Variants in WFDC8 observed in about 807,000 individuals in gnomAD.
The protein encoded by WFDC8 is WAP four-disulfide core domain 8.
Under a neutral mutation model 27.0 loss-of-function variants are expected in WFDC8, and 24 were observed. The ratio of observed to expected loss-of-function variants is 0.89; its 90% CI spans 0.64 to 1.25. WFDC8 has a LOEUF of 1.25. Ranked by LOEUF, WFDC8 falls within the 50% of genes most tolerant of loss-of-function variation. WFDC8 has a pLI of 0.00. For missense variants in WFDC8, 287 were observed against 295.9 expected (o/e 0.97, Z 0.22); for synonymous variants, 106 against 99.7 (o/e 1.06, Z -0.38).
At chr20:45,564,566 C>T (rs536416711) in intron 1 of WFDC8, among the ~76,000 whole-genome samples, 4 of 151,508 alleles carry the variant, frequency 2.6e-5, no homozygotes, top group South Asian at 4.2e-4. Context: ...CCCAGCTATT[C>T]GGGAGGCTGA....
At chr20:45,572,852 C>T (rs868395358) in intron 1 of WFDC8, among the ~76,000 whole-genome samples, 4 of 152,244 alleles carry the variant, frequency 2.6e-5, no homozygotes, top group Non-Finnish European at 5.9e-5. Context: ...AGTGATCTTC[C>T]TGCCTTGGCC....
chr20:45,551,969 T>A lies in WFDC8; in HGVS notation c.*57A>T. The stretch of plus-strand genomic sequence containing the variant: ...TTGGATACAAGACAAAACTGACAGC[T>A]CTTTATCATGCTACTCATAATTAAT... On this transcript the variant is annotated 3_prime_UTR_variant, in exon 6 of 6. Transcript: ENST00000289953. The A allele has an allele frequency of 6.3e-7, 1 of 1,589,962 alleles. No homozygotes were observed. The highest frequency in any genetic ancestry group is 2.2e-5 in the East Asian group (1 of 44,512).
chr20:45,569,714 A>G (rs1980803819), intron 1 of WFDC8, among the ~76,000 whole-genome samples: 1 of 152,188 alleles, frequency 6.6e-6, no homozygotes. Flanking sequence ...ATGGATAGCC[A>G]GTTATCCCAT....
intron 3 of WFDC8, among the ~76,000 whole-genome samples, chr20:45,556,307 C>T (rs1383498705): frequency 1.3e-5 from 2 of 152,184 alleles, no homozygotes; most frequent in African/African-American, 2.4e-5. Context: ...GCTTCCTGTA[C>T]TTTTGCTAAT....
At chr20:45,560,218 C>T (rs551974864) in intron 2 of WFDC8, among the ~76,000 whole-genome samples, 3 of 152,218 alleles carry the variant, frequency 2.0e-5, no homozygotes, top group African/African-American at 7.2e-5. Flanking sequence ...ATGGTTGAGG[C>T]CAAGTGCCAA....
intron 4 of WFDC8, 49 bp from the exon 5 acceptor site, chr20:45,553,325 C>T: frequency 6.3e-7 from 1 of 1,578,662 alleles, no homozygotes; most frequent in Non-Finnish European, 8.6e-7. Context: ...CCCCATCCCA[C>T]CACCCTTCAA....
chr20:45,558,169 C>T (rs368021033), intron 3 of WFDC8, among the ~76,000 whole-genome samples: 35 of 152,286 alleles, frequency 2.3e-4, no homozygotes, highest in African/African-American at 8.2e-4. Flanking sequence ...CGCTTTCTGA[C>T]AGCACCCAAT....
chr20:45,575,596 C>G lies in WFDC8; in HGVS notation c.26+3626G>C, dbSNP rs745508701. 5.9e-5 allele frequency among the ~76,000 whole-genome samples: 9 copies of G among 151,266 alleles called. 1 individual carries two copies. The South Asian group carries it at 1.7e-3, about 28-fold the overall frequency. On this transcript the variant is annotated intron_variant, in intron 1 of 5. Transcript: ENST00000289953. The stretch of plus-strand genomic sequence containing the variant: ...AATATTGTTAAAATGCCCATACCAC[C>G]CAGAACCTATCTTTTTGCCCAGCTT...
At chr20:45,572,211 C>T (rs1039745590) in intron 1 of WFDC8, among the ~76,000 whole-genome samples, 3 of 152,046 alleles carry the variant, frequency 2.0e-5, no homozygotes, top group East Asian at 1.9e-4. Context: ...TCCTGGCTAA[C>T]GCAGTGAAAC....
chr20:45,575,447 T>A (rs1257825846), intron 1 of WFDC8, among the ~76,000 whole-genome samples: 1 of 151,666 alleles, frequency 6.6e-6, no homozygotes, highest in Non-Finnish European at 1.5e-5. Flanking sequence ...TAGGAGTAAA[T>A]TTAACAAAGG....
Position 45,553,293 on chromosome 20 carries a change from T to A in WFDC8, c.446-17A>T, listed in dbSNP as rs748729901. ...CATCCTTAACTAAAATAAGAGCAGATGTGAGCTTCTTAAAACCCCACCCCC... is the reference window on the plus strand; with the variant it reads ...CATCCTTAACTAAAATAAGAGCAGAAGTGAGCTTCTTAAAACCCCACCCCC... On this transcript the variant is annotated splice_polypyrimidine_tract_variant and intron_variant, in intron 4 of 5. Transcript: ENST00000289953. 3.1e-6 allele frequency: 5 copies of A among 1,607,506 alleles called. No individual in the cohort carries two copies. In the South Asian group the frequency reaches 4.4e-5, roughly 14 times the overall value.
chr20:45,574,893 G>T (rs1600901316), intron 1 of WFDC8, among the ~76,000 whole-genome samples: 1 of 152,274 alleles, frequency 6.6e-6, no homozygotes, highest in South Asian at 2.1e-4. Flanking sequence ...CAATCAATGT[G>T]GTGAACCATC....
intron 2 of WFDC8, among the ~76,000 whole-genome samples, chr20:45,560,976 G>A (rs1459418447): frequency 6.6e-6 from 1 of 152,232 alleles, no homozygotes; most frequent in African/African-American, 2.4e-5. Flanking sequence ...TGGGCTCCAG[G>A]AGATAGGCTG....
At chr20:45,570,778 A>G (rs1304512043) in intron 1 of WFDC8, among the ~76,000 whole-genome samples, 1 of 152,214 alleles carries the variant, frequency 6.6e-6, no homozygotes, top group Admixed American at 6.5e-5. Context: ...TTAGTAATGC[A>G]TGCACTACTC....
chr20:45,554,426 G>C lies in WFDC8; in HGVS notation c.446-1150C>G, dbSNP rs142682043. Among the ~76,000 whole-genome samples the C allele has an allele frequency of 1.8e-4, 27 of 152,294 alleles. 1 individual carries two copies. The highest frequency in any genetic ancestry group is 6.5e-4 in the African/African-American group (27 of 41,556). On this transcript the variant is annotated intron_variant, in intron 4 of 5. Transcript: ENST00000289953. ...TTTTAGGAGTCAGATTAGGGCTGGA[G>C]ACACAACTTTGTGGGTCATTAGGAC...
At chr20:45,553,096 C>T (rs759116445) in intron 5 of WFDC8, 40 bp downstream of exon 5, 81 of 1,586,870 alleles carry the variant, frequency 5.1e-5, no homozygotes, top group Non-Finnish European at 5.9e-5. Flanking sequence ...ATCCTTGGCA[C>T]ATGCCCAATA....
chr20:45,557,297 C>T (rs1269849880), intron 3 of WFDC8, among the ~76,000 whole-genome samples: 1 of 152,132 alleles, frequency 6.6e-6, no homozygotes, highest in Admixed American at 6.6e-5. Context: ...AAATGCTTTC[C>T]AAGAGTTCAT....
intron 1 of WFDC8, among the ~76,000 whole-genome samples, chr20:45,565,687 G>T (rs1476594822): frequency 6.6e-6 from 1 of 152,208 alleles, no homozygotes; most frequent in African/African-American, 2.4e-5. Flanking sequence ...GTCAGCACCG[G>T]TTTCATTCAG....
chr20:45,575,779 C>A (rs1981024057), intron 1 of WFDC8, among the ~76,000 whole-genome samples: 1 of 151,234 alleles, frequency 6.6e-6, no homozygotes, highest in African/African-American at 2.4e-5. Context: ...TTACATCTCG[C>A]TACCCTCTAG....
Sources: gnomAD v4.1 joint callset for allele counts (sites outside exome capture counted in the v4.1 genomes callset) on GRCh38, gnomAD v4.1.1 for gene constraint, MANE v1.5 for transcripts, NCBI Gene and HGNC (gene_info 2026-07-23, HGNC 2026-07-21) for gene names.